The following PCDH11X variants were observed in gnomAD, a reference collection of about 807,000 sequenced individuals.
The protein encoded by PCDH11X is protocadherin 11 X-linked.
PCDH11X carries 18 observed loss-of-function variants against 53.3 expected under a neutral mutation model. That is an observed-to-expected ratio of 0.34 (90% CI 0.23 to 0.50). The LOEUF is 0.50. PCDH11X is among the 20% of genes least tolerant of loss of function. The pLI, the probability that PCDH11X is intolerant of heterozygous loss-of-function variation, is 0.98. For synonymous variants in PCDH11X, 279 were observed against 393.3 expected (o/e 0.71, Z 3.44); for missense variants, 570 against 1,032.4 (o/e 0.55, Z 6.14).
chrX:92,322,266 G>A (rs1273502329), intron 8 of PCDH11X, among the ~76,000 whole-genome samples: 1 of 110,532 alleles, frequency 9.0e-6, no homozygotes, highest in East Asian at 2.9e-4. Flanking sequence ...TTCTCCAAAT[G>A]GACAGGTGAC....
intron 6 of PCDH11X, among the ~76,000 whole-genome samples, chrX:91,905,664 T>C (rs1349721698): frequency 1.8e-5 from 2 of 111,662 alleles, no homozygotes; most frequent in African/African-American, 6.5e-5. Flanking sequence ...TAATAAACTG[T>C]TTTTCAAGAC....
intron 6 of PCDH11X, among the ~76,000 whole-genome samples, chrX:92,041,411 C>G (rs1461808597): frequency 9.0e-6 from 1 of 111,489 alleles, no homozygotes; most frequent in Non-Finnish European, 1.9e-5. Flanking sequence ...ATACTTTGCT[C>G]ACAATAATCC....
At chrX:91,947,226 C>G (rs984956938) in intron 6 of PCDH11X, among the ~76,000 whole-genome samples, 1 of 109,346 alleles carries the variant, frequency 9.1e-6, no homozygotes, top group African/African-American at 3.3e-5. Context: ...TCTAAAAAAT[C>G]TTGATATTAG....
chrX:92,201,735 C>T, intron 7 of PCDH11X, among the ~76,000 whole-genome samples: 1 of 112,184 alleles, frequency 8.9e-6, no homozygotes, highest in East Asian at 2.8e-4. Context: ...TTTAAGTGTA[C>T]TTTTGTAATC....
rs748139519 is a variant in PCDH11X at position 92,601,056 on chromosome X, T to C, written c.3368-17208T>C. 4.0e-4 allele frequency among the ~76,000 whole-genome samples: 44 copies of C among 110,626 alleles called. No individual in the cohort carries two copies. In the East Asian group the frequency reaches 0.011, roughly 29 times the overall value. ...CTGTACCTCCATTGTATCTAGGAAG[T>C]AACTAACTTGCTTTTGATTTTACAG... On this transcript the variant is annotated intron_variant, in intron 10 of 10. Coordinates refer to ENST00000682573, the MANE Select transcript of PCDH11X (RefSeq NM_032968.5).
At chrX:92,313,388 G>C (rs1168973065) in intron 8 of PCDH11X, among the ~76,000 whole-genome samples, 3 of 106,531 alleles carry the variant, frequency 2.8e-5, no homozygotes, top group Non-Finnish European at 5.8e-5. Flanking sequence ...ACCTACATCT[G>C]GCCAAATACC....
chrX:92,195,571 C>T (rs1160479972), intron 6 of PCDH11X, among the ~76,000 whole-genome samples: 1 of 111,386 alleles, frequency 9.0e-6, no homozygotes, highest in Non-Finnish European at 1.9e-5. Flanking sequence ...ATTGGACATG[C>T]CTATGAAATA....
chrX:91,816,558 C>T (rs1007824525), intron 4 of PCDH11X, among the ~76,000 whole-genome samples: 4 of 110,887 alleles, frequency 3.6e-5, no homozygotes, highest in African/African-American at 9.8e-5. Context: ...AGTGTTAAAT[C>T]GGTGGTATTC....
chrX:92,577,036 T>C (rs1258367662), intron 10 of PCDH11X, among the ~76,000 whole-genome samples: 1 of 108,212 alleles, frequency 9.2e-6, no homozygotes, highest in Non-Finnish European at 1.9e-5. Flanking sequence ...TGTTTTGTTT[T>C]CGTTGGATGA....
intron 1 of PCDH11X, among the ~76,000 whole-genome samples, chrX:91,787,928 T>C (rs1230337208): frequency 9.0e-5 from 10 of 111,276 alleles, no homozygotes; most frequent in Non-Finnish European, 1.7e-4. Context: ...ACACCAAGTA[T>C]AGTGCAGGTT....
At chrX:91,869,520 C>G (rs1388097603) in intron 5 of PCDH11X, among the ~76,000 whole-genome samples, 1 of 111,199 alleles carries the variant, frequency 9.0e-6, no homozygotes, top group Non-Finnish European at 1.9e-5. Context: ...GAAGTCTGTT[C>G]TAGTACTAGT....
At chrX:91,902,822 T>A (rs1341400155) in intron 6 of PCDH11X, among the ~76,000 whole-genome samples, 1 of 109,140 alleles carries the variant, frequency 9.2e-6, no homozygotes, top group Non-Finnish European at 1.9e-5. Context: ...AGTAACATCC[T>A]ATGCTTCCTT....
chrX:92,321,040 G>C (rs2069188566), intron 8 of PCDH11X, among the ~76,000 whole-genome samples: 1 of 107,656 alleles, frequency 9.3e-6, no homozygotes, highest in Non-Finnish European at 1.9e-5. Flanking sequence ...TACAGCCTCT[G>C]TAAAGTTGCC....
intron 6 of PCDH11X, among the ~76,000 whole-genome samples, chrX:92,196,052 T>C (rs2066287348): frequency 8.9e-6 from 1 of 112,089 alleles, no homozygotes. Flanking sequence ...GTGTAACTTA[T>C]AAGAAAGCTT....
intron 8 of PCDH11X, among the ~76,000 whole-genome samples, chrX:92,281,342 G>C (rs1371305833): frequency 8.9e-6 from 1 of 111,946 alleles, no homozygotes; most frequent in Non-Finnish European, 1.9e-5. Flanking sequence ...CAAGCATTCA[G>C]AAAGTTGCAT....
intron 6 of PCDH11X, among the ~76,000 whole-genome samples, chrX:91,891,346 G>A (rs1188456644): frequency 1.0e-5 from 1 of 100,496 alleles, no homozygotes; most frequent in Non-Finnish European, 2.0e-5. Flanking sequence ...TTTTTGAAGT[G>A]CTTCTTGTCA....
intron 6 of PCDH11X, among the ~76,000 whole-genome samples, chrX:91,991,588 T>TG (rs1490667365): frequency 1.0e-5 from 1 of 100,075 alleles, no homozygotes; most frequent in Non-Finnish European, 2.0e-5. Context: ...TTTAATTCTT[T>TG]TTTTTTTTTT....
chrX:92,458,021 A>G (rs2072943511), intron 9 of PCDH11X, among the ~76,000 whole-genome samples: 1 of 110,417 alleles, frequency 9.1e-6, no homozygotes, highest in African/African-American at 3.3e-5. Flanking sequence ...GTATTAATAT[A>G]AGTATAGACA....
At chrX:91,867,496 C>A (rs1314757208) in intron 5 of PCDH11X, among the ~76,000 whole-genome samples, 1 of 107,763 alleles carries the variant, frequency 9.3e-6, no homozygotes, top group Non-Finnish European at 1.9e-5. Context: ...ATGGTACTTT[C>A]TTCTAAAACA....
Sources: gnomAD v4.1 joint callset for allele counts (sites outside exome capture counted in the v4.1 genomes callset) on GRCh38, gnomAD v4.1.1 for gene constraint, MANE v1.5 for transcripts, NCBI Gene and HGNC (gene_info 2026-07-23, HGNC 2026-07-21) for gene names.